SPAG6: variants seen among roughly 807,000 people sequenced by gnomAD.
SPAG6 encodes the protein sperm-associated antigen 6.
Under a neutral mutation model 58.5 loss-of-function variants are expected in SPAG6, and 49 were observed. The observed-to-expected ratio is 0.84, with a 90% CI of 0.67 to 1.06. The LOEUF (loss-of-function observed/expected upper bound fraction) is 1.06. Ranked by LOEUF, SPAG6 falls within the 50% of genes least tolerant of loss-of-function variation. The probability of loss-of-function intolerance (pLI) is 0.00; values close to 1 mark genes in which losing one functional copy is unlikely to be tolerated. For synonymous variants in SPAG6, 233 were observed against 225.6 expected, an observed-to-expected ratio of 1.03 and a Z score of -0.29; for missense variants, 560 against 611.3, an observed-to-expected ratio of 0.92 and a Z score of 0.89.
intron 8 of SPAG6, among the ~76,000 whole-genome samples, chr10:22,397,100 G>A (rs1057459486): frequency 2.0e-5 from 3 of 151,958 alleles, no homozygotes; most frequent in Middle Eastern, 3.2e-3. Context: ...TTTGCTCACA[G>A]CCATAAACAA....
chr10:22,401,510 C>G (rs1030073710), intron 9 of SPAG6, among the ~76,000 whole-genome samples: 1 of 152,040 alleles, frequency 6.6e-6, no homozygotes, highest in African/African-American at 2.4e-5. Flanking sequence ...TAAGTGTTCC[C>G]AGAAAAGAAA....
intron 4 of SPAG6, among the ~76,000 whole-genome samples, chr10:22,378,072 T>C (rs192686946): frequency 0.01 from 1,532 of 146,296 alleles, 7 homozygotes; most frequent in African/African-American, 0.036. Flanking sequence ...TTTTTTTTTT[T>C]TTTCTTTTTG....
intron 10 of SPAG6, chr10:22,412,706 G>C: frequency 7.3e-6 from 3 of 412,718 alleles, no homozygotes; most frequent in Non-Finnish European, 1.3e-5. Flanking sequence ...CAAGTAGCTG[G>C]GACTACAGGC....
intron 3 of SPAG6, among the ~76,000 whole-genome samples, chr10:22,366,135 C>T (rs1837193378): frequency 6.6e-6 from 1 of 152,174 alleles, no homozygotes; most frequent in Non-Finnish European, 1.5e-5. Context: ...GCAGCAGCAT[C>T]CACAATAGCC....
rs771492048 is a variant in SPAG6, at chr10:22,416,657, G to A, written c.1499G>A (p.Arg500Lys). 3.7e-6 allele frequency: 6 copies of A among 1,609,282 alleles called. No homozygotes were observed. In the South Asian group the frequency reaches 6.6e-5, roughly 18 times the overall value. ...GGATATTCAGATACACTTCTGCAGA[G>A]GGTGGACAGCTATCAACCACTTAAT... Reference protein sequence around the residue: ...SPGYSDTLLQRVDSYQPLNN With the variant: ...SPGYSDTLLQKVDSYQPLNN Residue 500 changes from arginine to lysine, a missense_variant, in exon 11 of 11, where the codon AGG becomes AAG. By Grantham distance (26) the Arg-to-Lys change is conservative. Transcript: ENST00000376624.
intron 4 of SPAG6, among the ~76,000 whole-genome samples, chr10:22,371,165 C>T (rs1184750349): frequency 6.6e-6 from 1 of 152,148 alleles, no homozygotes; most frequent in African/African-American, 2.4e-5. Context: ...ATAGATTTCT[C>T]AGAAGGAAAG....
In SPAG6 at chr10:22,364,887, C is replaced by G. The variant is rs765440197; in HGVS notation, c.156C>G (p.Asp52Glu). ...VMSLLRTLLLDVVPTIQQTAA... is the reference protein window; with the variant it reads ...VMSLLRTLLLEVVPTIQQTAA... ...CTTTGCTGAGAACTCTTCTTCTGGA[C>G]GTGGTCCCAACAATTCAACAGACTG... Residue 52 changes from aspartate (D) to glutamate (E), a missense_variant, in exon 3 of 11, where the codon GAC (aspartate) becomes GAG (glutamate). By Grantham distance (45) the Asp-to-Glu change is conservative. Transcript: ENST00000376624. 3 of 1,612,492 alleles carry G rather than the reference C, an allele frequency of 1.9e-6. No homozygotes were observed. The highest frequency in any genetic ancestry group is 3.4e-5 in the Admixed American group (2 of 59,698).
At chr10:22,413,066 CAAAAAAAAAAAA>C (rs775680159) in intron 10 of SPAG6, 3 of 43,318 alleles carry the variant, frequency 6.9e-5, no homozygotes, top group Admixed American at 2.5e-4. Flanking sequence ...CAGAAAGATG[CAAAAAAAAAAAA>C]AAAAAAAAAA....
chr10:22,412,387 A>G, intron 10 of SPAG6: 3 of 911,192 alleles, frequency 3.3e-6, no homozygotes, highest in Non-Finnish European at 5.1e-6. Context: ...TTAATTTTAA[A>G]AGCACAAAAG....
intron 8 of SPAG6, among the ~76,000 whole-genome samples, chr10:22,393,908 C>T (rs562886448): frequency 6.6e-6 from 1 of 152,258 alleles, no homozygotes; most frequent in Admixed American, 6.5e-5. Flanking sequence ...TACTCTATGG[C>T]AGGTTTCAAA....
chr10:22,369,594 A>G (rs756642473), intron 4 of SPAG6, among the ~76,000 whole-genome samples: 4 of 152,146 alleles, frequency 2.6e-5, no homozygotes, highest in Non-Finnish European at 4.4e-5. Context: ...TTTAGATACT[A>G]CCATTTAGTT....
chr10:22,412,284 A>G (rs1362586515), intron 10 of SPAG6, among the ~76,000 whole-genome samples: 2 of 152,264 alleles, frequency 1.3e-5, no homozygotes, highest in Non-Finnish European at 2.9e-5. Flanking sequence ...AATTTTTAAA[A>G]CTTACATGCT....
intron 10 of SPAG6, among the ~76,000 whole-genome samples, chr10:22,415,012 C>T (rs1834834892): frequency 1.3e-5 from 2 of 152,124 alleles, no homozygotes; most frequent in Non-Finnish European, 2.9e-5. Context: ...GTGTTCCACC[C>T]TCCTCAGCCT....
intron 2 of SPAG6, among the ~76,000 whole-genome samples, chr10:22,363,469 C>T (rs1027805312): frequency 3.9e-5 from 6 of 152,186 alleles, no homozygotes; most frequent in African/African-American, 1.4e-4. Flanking sequence ...CGCTTACCAG[C>T]CTTCGTGGGA....
At chr10:22,408,670 G>C (rs914899025) in intron 9 of SPAG6, among the ~76,000 whole-genome samples, 13 of 152,160 alleles carry the variant, frequency 8.5e-5, no homozygotes, top group Non-Finnish European at 1.3e-4. Context: ...GCACCCAGTT[G>C]GAGCTTCCCA....
At chr10:22,407,926 G>T (rs1361075275) in intron 9 of SPAG6, among the ~76,000 whole-genome samples, 3 of 149,104 alleles carry the variant, frequency 2.0e-5, no homozygotes, top group South Asian at 2.1e-4. Context: ...CCAGTTGATC[G>T]CATTGGCTCC....
intron 4 of SPAG6, among the ~76,000 whole-genome samples, chr10:22,377,728 T>G (rs11012972): frequency 0.17 from 25,820 of 152,216 alleles, 6,548 homozygotes; most frequent in African/African-American, 0.55. Flanking sequence ...ACATGACATC[T>G]ACATATTACC....
intron 8 of SPAG6, 148 bp downstream of exon 8, chr10:22,392,068 G>A (rs1834196159): frequency 1.6e-6 from 1 of 620,550 alleles, no homozygotes; most frequent in Non-Finnish European, 2.8e-6. Context: ...CTTTGAAAAT[G>A]AGTTACCCTG....
intron 3 of SPAG6, among the ~76,000 whole-genome samples, chr10:22,366,944 A>G (rs1837217421): frequency 6.6e-6 from 1 of 152,054 alleles, no homozygotes; most frequent in African/African-American, 2.4e-5. Flanking sequence ...CCCAGCCTTT[A>G]AGTCATTTCT....
Sources: allele counts gnomAD v4.1 joint callset (sites outside exome capture counted in the v4.1 genomes callset), GRCh38; gene constraint gnomAD v4.1.1; transcripts MANE v1.5; gene names NCBI Gene and HGNC (gene_info 2026-07-23, HGNC 2026-07-21).